The following RAD51AP1 variants were observed in gnomAD, a reference collection of about 807,000 sequenced individuals.
RAD51AP1 encodes the protein RAD51-associated protein 1.
Under a neutral mutation model 34.3 loss-of-function variants are expected in RAD51AP1, and 14 were observed. That is an observed-to-expected ratio of 0.41 (90% CI 0.27 to 0.64). RAD51AP1 has a LOEUF of 0.64. RAD51AP1 is among the 30% of genes least tolerant of loss of function. The pLI, the probability that RAD51AP1 is intolerant of heterozygous loss-of-function variation, is 0.33. For synonymous variants in RAD51AP1, 114 were observed against 129.8 expected, an observed-to-expected ratio of 0.88 and a Z score of 0.83; for missense variants, 348 against 386.9, an observed-to-expected ratio of 0.90 and a Z score of 0.84.
Position 4,548,626 on chromosome 12 carries a change from A to G in RAD51AP1, c.407-61A>G. 5.2e-6 allele frequency: 8 copies of G among 1,548,156 alleles called. No individual in the cohort carries two copies. The South Asian group carries it at 8.2e-5, about 16-fold the overall frequency. On this transcript the variant is annotated intron_variant, in intron 5 of 8. Coordinates refer to ENST00000352618, the MANE Select transcript of RAD51AP1 (RefSeq NM_006479.5). ...ATAGCTGTAATAGAGTCTGGTCTGC[A>G]GTTCTTGAAATATCAGTTGTCACAG...
chr12:4,544,005 C>A, intron 3 of RAD51AP1, 101 bp downstream of exon 3: 1 of 999,636 alleles, frequency 1.0e-6, no homozygotes, highest in Non-Finnish European at 1.4e-6. Flanking sequence ...TGGGCAGAGT[C>A]ATAGGTCTTA....
chr12:4,556,321 A>T (rs770619804), intron 7 of RAD51AP1, 32 bp from the exon 8 acceptor site: 2 of 1,541,614 alleles, frequency 1.3e-6, no homozygotes, highest in Non-Finnish European at 1.8e-6. Context: ...TTCCTGCATG[A>T]CAAACATTTT....
Position 4,546,294 on chromosome 12 carries a change from G to C in RAD51AP1, c.210-15G>C. On this transcript the variant is annotated splice_polypyrimidine_tract_variant and intron_variant, in intron 3 of 8. Coordinates refer to ENST00000352618, the MANE Select transcript of RAD51AP1 (RefSeq NM_006479.5). ...TATTTTGAAGAACTCATTATTACTTGTGTATCTATTTTAGGATGGCTTTAG... is the reference window on the plus strand; with the variant it reads ...TATTTTGAAGAACTCATTATTACTTCTGTATCTATTTTAGGATGGCTTTAG... 1 of 1,523,196 alleles carries C rather than the reference G, an allele frequency of 6.6e-7. No homozygotes were observed. Among genetic ancestry groups the C allele is most frequent in the South Asian group, 1.2e-5 (1 of 85,542 alleles). The allele number at this position is 1,523,196 out of a possible 1,614,324, so 94.4% of individuals were successfully genotyped here.
intron 6 of RAD51AP1, among the ~76,000 whole-genome samples, chr12:4,552,524 C>T (rs75530590): frequency 0.013 from 1,947 of 152,296 alleles, 16 homozygotes; most frequent in Non-Finnish European, 0.019. Context: ...CTCACTATTA[C>T]CATAAATGTC....
At chr12:4,544,339 T>C (rs1229274496) in intron 3 of RAD51AP1, among the ~76,000 whole-genome samples, 2 of 152,214 alleles carry the variant, frequency 1.3e-5, no homozygotes, top group Non-Finnish European at 2.9e-5. Context: ...TGTTAAGATT[T>C]ATCCAGCAGT....
At chr12:4,545,060 A>C (rs1944496126) in intron 3 of RAD51AP1, among the ~76,000 whole-genome samples, 1 of 152,222 alleles carries the variant, frequency 6.6e-6, no homozygotes, top group Non-Finnish European at 1.5e-5. Context: ...GTATGTATCC[A>C]AGAGAAATGA....
chr12:4,557,657 A>T (rs1236353017), intron 8 of RAD51AP1, among the ~76,000 whole-genome samples: 6 of 152,320 alleles, frequency 3.9e-5, no homozygotes, highest in East Asian at 3.9e-4. Context: ...TAGCATAATT[A>T]AAAAAATACA....
intron 6 of RAD51AP1, among the ~76,000 whole-genome samples, chr12:4,549,642 C>G (rs1307260162): frequency 6.6e-6 from 1 of 152,068 alleles, no homozygotes; most frequent in Non-Finnish European, 1.5e-5. Flanking sequence ...GCCTGGGAGA[C>G]AGGAAAATGC....
intron 6 of RAD51AP1, among the ~76,000 whole-genome samples, chr12:4,550,083 C>G (rs1944535398): frequency 1.3e-5 from 2 of 152,156 alleles, no homozygotes; most frequent in Non-Finnish European, 2.9e-5. Flanking sequence ...TTTTCTCTAA[C>G]AGTTCCCAAA....
intron 3 of RAD51AP1, among the ~76,000 whole-genome samples, chr12:4,544,495 A>G (rs1400182577): frequency 1.3e-5 from 2 of 152,178 alleles, no homozygotes; most frequent in Non-Finnish European, 2.9e-5. Flanking sequence ...CAAATGGAAC[A>G]TGGCATATAT....
At chr12:4,540,333 T>A (rs1054361329) in intron 1 of RAD51AP1, among the ~76,000 whole-genome samples, 5 of 152,178 alleles carry the variant, frequency 3.3e-5, no homozygotes, top group African/African-American at 1.2e-4. Context: ...TGTTAAAGTA[T>A]GGTCTACAGA....
chr12:4,539,360 A>C (rs1157965888), intron 1 of RAD51AP1, among the ~76,000 whole-genome samples: 1 of 152,228 alleles, frequency 6.6e-6, no homozygotes, highest in Non-Finnish European at 1.5e-5. Flanking sequence ...ACAGCCCAGT[A>C]AGTGGCAGGG....
rs1944583629 is a variant in RAD51AP1, at chr12:4,556,452, A to G, written c.821A>G (p.Glu274Gly). 2 of 1,613,658 alleles carry G rather than the reference A, an allele frequency of 1.2e-6. No individual in the cohort carries two copies. Among genetic ancestry groups the G allele is most frequent in the Admixed American group, 3.3e-5 (2 of 60,022 alleles). Residue 274 changes from glutamate to glycine, a missense_variant, in exon 8 of 9, where the codon GAA becomes GGA. By Grantham distance (98) the Glu-to-Gly change is moderately conservative (BLOSUM62 -2). Coordinates refer to ENST00000352618, the MANE Select transcript of RAD51AP1 (RefSeq NM_006479.5). ...TCAGATACCACTAGGAAACCATTAG[A>G]AATACGCAGTCCTTCAGCTGAAAGC... ...LSSDTTRKPL[E>G]IRSPSAESKK...
intron 8 of RAD51AP1, 86 bp from the exon 9 acceptor site, chr12:4,558,771 C>G: frequency 6.6e-7 from 1 of 1,509,254 alleles, no homozygotes; most frequent in East Asian, 2.3e-5. Flanking sequence ...TGCTTAACTA[C>G]CTTTTTTTTG....
chr12:4,539,046 G>GGCA, intron 1 of RAD51AP1, 90 bp downstream of exon 1: 1 of 1,453,400 alleles, frequency 6.9e-7, no homozygotes, highest in South Asian at 1.2e-5. Context: ...AAGACCGGAG[G>GGCA]GCAGCGATGG....
intron 8 of RAD51AP1, 57 bp from the exon 9 acceptor site, chr12:4,558,800 A>T: frequency 6.3e-7 from 1 of 1,580,636 alleles, no homozygotes. Context: ...TTTATAAATT[A>T]ATCTTTGTTA....
rs1944581507 is a variant in RAD51AP1, at chr12:4,556,265, A to G, written c.722-88A>G. On this transcript the variant is annotated intron_variant, in intron 7 of 8. Transcript: ENST00000352618. ...TAATAAGTTTATTTTTTATATGATT[A>G]TGTAACTTTATAATTTTTACACATA... 4 of 973,754 alleles carry G rather than the reference A, an allele frequency of 4.1e-6. No individual in the cohort carries two copies. The Admixed American group carries it at 9.3e-5, about 23-fold the overall frequency. The allele number at this position is 973,754 out of a possible 1,614,324, so 60.3% of individuals were successfully genotyped here.
Position 4,541,866 on chromosome 12 carries a change from A to C in RAD51AP1, c.18-18A>C. On this transcript the variant is annotated intron_variant, in intron 1 of 8. Coordinates refer to ENST00000352618, the MANE Select transcript of RAD51AP1 (RefSeq NM_006479.5). ...AATTGACATTTGTGTTAATGAAAAAATTCTGTTTTGGTCATAGACATAAGA... is the reference window on the plus strand; with the variant it reads ...AATTGACATTTGTGTTAATGAAAAACTTCTGTTTTGGTCATAGACATAAGA... 1.4e-6 allele frequency: 2 copies of C among 1,411,370 alleles called. No homozygotes were observed. Among genetic ancestry groups the C allele is most frequent in the Admixed American group, 4.4e-5 (2 of 45,498 alleles). 87.4% of individuals were successfully genotyped at this position (1,411,370 alleles called of 1,614,324 possible).
chr12:4,544,658 G>A (rs941690003), intron 3 of RAD51AP1, among the ~76,000 whole-genome samples: 14 of 152,066 alleles, frequency 9.2e-5, no homozygotes, highest in Non-Finnish European at 1.5e-5. Context: ...GAACCCACAC[G>A]TGGGAGAAAA....
Sources: allele counts gnomAD v4.1 joint callset (sites outside exome capture counted in the v4.1 genomes callset), GRCh38; gene constraint gnomAD v4.1.1; transcripts MANE v1.5; gene names NCBI Gene and HGNC (gene_info 2026-07-23, HGNC 2026-07-21).